The following SLC12A2 variants were observed in gnomAD, a reference collection of about 807,000 sequenced individuals.
The protein encoded by SLC12A2 is Na-K-2Cl cotransporter 1.
SLC12A2 carries 67 observed loss-of-function variants against 136.3 expected under a neutral mutation model. The observed-to-expected ratio is 0.49, with a 90% CI of 0.40 to 0.60. The LOEUF is 0.60. Ranked by LOEUF, SLC12A2 falls within the 20% of genes least tolerant of loss-of-function variation. The pLI, the probability that SLC12A2 is intolerant of heterozygous loss-of-function variation, is 0.00. For synonymous variants in SLC12A2, 619 were observed against 562.9 expected (o/e 1.10, Z -1.41); for missense variants, 1,322 against 1,534.7 (o/e 0.86, Z 2.32).
At chr5:128,126,964 A>ATTTT (rs1433767277) in intron 4 of SLC12A2, among the ~76,000 whole-genome samples, 217 of 21,648 alleles carry the variant, frequency 0.01, 6 homozygotes, top group East Asian at 0.011. Context: ...ATATATATAT[A>ATTTT]TATTTTTTTT....
At chr5:128,131,845 A>G (rs1224680364) in intron 5 of SLC12A2, among the ~76,000 whole-genome samples, 2 of 152,036 alleles carry the variant, frequency 1.3e-5, no homozygotes, top group African/African-American at 4.8e-5. Context: ...GTCTCTACTA[A>G]AAATAAAAAA....
chr5:128,185,731 C>T (rs1160178385), intron 26 of SLC12A2, among the ~76,000 whole-genome samples: 1 of 152,048 alleles, frequency 6.6e-6, no homozygotes, highest in Non-Finnish European at 1.5e-5. Context: ...GTAAACATAC[C>T]TTTCACCTAA....
At chr5:128,110,244 C>T (rs570932325) in intron 1 of SLC12A2, 16 of 806,454 alleles carry the variant, frequency 2.0e-5, no homozygotes, top group Admixed American at 1.2e-4. Context: ...AACATCCATC[C>T]GACCTTTTCC....
intron 4 of SLC12A2, among the ~76,000 whole-genome samples, chr5:128,126,846 A>G (rs1761811385): frequency 6.7e-6 from 1 of 148,416 alleles, no homozygotes; most frequent in African/African-American, 2.5e-5. Flanking sequence ...TGCTGAGCAT[A>G]TTTATCCTAA....
chr5:128,146,928 A>C (rs1042438435), intron 10 of SLC12A2, among the ~76,000 whole-genome samples: 1 of 151,696 alleles, frequency 6.6e-6, no homozygotes, highest in African/African-American at 2.4e-5. Flanking sequence ...AAATGAGAAG[A>C]GGTTAAGCAA....
At chr5:128,140,894 T>A (rs896924958) in intron 9 of SLC12A2, among the ~76,000 whole-genome samples, 1 of 151,474 alleles carries the variant, frequency 6.6e-6, no homozygotes, top group African/African-American at 2.5e-5. Context: ...AACAAAGAAC[T>A]GTATAGTCTG....
At chr5:128,175,088 C>A (rs1398920276) in intron 20 of SLC12A2, among the ~76,000 whole-genome samples, 4 of 152,062 alleles carry the variant, frequency 2.6e-5, no homozygotes, top group Non-Finnish European at 5.9e-5. Context: ...TACTCTCCCA[C>A]CCTCACTCTC....
intron 13 of SLC12A2, among the ~76,000 whole-genome samples, chr5:128,150,836 A>G (rs963917459): frequency 2.6e-5 from 4 of 151,910 alleles, no homozygotes; most frequent in Admixed American, 6.6e-5. Context: ...AATGTTTTAT[A>G]TATTCATTAG....
In SLC12A2 at chr5:128,084,164, A is replaced by C; in HGVS notation, c.210A>C (p.Arg70Ser). 1 of 1,297,504 alleles carries C rather than the reference A, an allele frequency of 7.7e-7. No individual in the cohort carries two copies. The highest frequency in any genetic ancestry group is 9.7e-7 in the Non-Finnish European group (1 of 1,030,388). The allele number at this position is 1,297,504 out of a possible 1,614,324, so 80.4% of individuals were successfully genotyped here. A position where few individuals can be genotyped will look rare whatever the true frequency, so the allele number is the denominator to read the frequency against. Residue 70 changes from arginine (R) to serine (S), a missense_variant, in exon 1 of 27, where the codon AGA (arginine) becomes AGC (serine). Physicochemically the swap from Arg to Ser is moderately radical, Grantham distance 110. This residue lies in a region of SLC12A2 where 358 missense variants were observed against 299.7 expected (regional missense o/e 1.19). Coordinates refer to ENST00000262461, the MANE Select transcript of SLC12A2 (RefSeq NM_001046.3). The surrounding 1 kb of genome is among the most constrained non-coding windows in gnomAD (Gnocchi z 5.6). ...CGGCGGCCGGGGACGGGCTGGGCAG[A>C]CCCTTGGGGCCCACCCCGAGCCAGA... Reference protein sequence around the residue: ...GPAAAGDGLGRPLGPTPSQSR... With the variant: ...GPAAAGDGLGSPLGPTPSQSR...
intron 16 of SLC12A2, 147 bp downstream of exon 16, chr5:128,158,311 A>C: frequency 1.6e-6 from 1 of 620,120 alleles, no homozygotes; most frequent in Non-Finnish European, 2.8e-6. Flanking sequence ...GGTAATAAGC[A>C]TAGTACCCAA....
intron 1 of SLC12A2, among the ~76,000 whole-genome samples, chr5:128,104,493 G>C (rs1027296474): frequency 6.6e-6 from 1 of 151,922 alleles, no homozygotes; most frequent in Admixed American, 6.6e-5. Context: ...TTAGCCGGAC[G>C]TGGTGGCAGG....
At chr5:128,115,938 A>AT (rs1417465767) in intron 4 of SLC12A2, among the ~76,000 whole-genome samples, 7 of 152,204 alleles carry the variant, frequency 4.6e-5, no homozygotes, top group Non-Finnish European at 1.0e-4. Context: ...TATGCTGAGC[A>AT]TTCATCACTG....
intron 1 of SLC12A2, among the ~76,000 whole-genome samples, chr5:128,094,935 A>G (rs976209192): frequency 9.9e-5 from 15 of 152,138 alleles, no homozygotes; most frequent in African/African-American, 3.6e-4. Context: ...TGGACAATTG[A>G]GATACCAAAG....
chr5:128,175,703 A>G (rs1006105357), intron 20 of SLC12A2, among the ~76,000 whole-genome samples: 9 of 151,972 alleles, frequency 5.9e-5, no homozygotes, highest in African/African-American at 2.2e-4. Context: ...CATTATTTTT[A>G]TAGAACAGGA....
intron 1 of SLC12A2, among the ~76,000 whole-genome samples, chr5:128,092,169 T>C (rs1324199703): frequency 6.6e-6 from 1 of 152,196 alleles, no homozygotes; most frequent in Non-Finnish European, 1.5e-5. Context: ...TGTCCATACA[T>C]CCCCATCCAG....
At position 128,083,924 on chromosome 5, in the gene SLC12A2, G is replaced by A. The variant is rs1415575438; in HGVS notation, c.-31G>A. On this transcript the variant is annotated 5_prime_UTR_variant, in exon 1 of 27. Coordinates refer to ENST00000262461, the MANE Select transcript of SLC12A2 (RefSeq NM_001046.3). ...GCGTGCTGCCGGAGACGTCCGCCGG[G>A]CTCTGCAGTTCCGCCGGGGGTCGGG... The A allele has an allele frequency of 1.6e-6, 2 of 1,222,270 alleles. No individual in the cohort carries two copies. The highest frequency in any genetic ancestry group is 4.3e-5 in the Admixed American group (1 of 23,058). The allele number at this position is 1,222,270 out of a possible 1,614,324, so 75.7% of individuals were successfully genotyped here. A position where few individuals can be genotyped will look rare whatever the true frequency, so the allele number is the denominator to read the frequency against.
chr5:128,108,051 CAT>C (rs1480937943), intron 1 of SLC12A2, among the ~76,000 whole-genome samples: 1 of 151,874 alleles, frequency 6.6e-6, no homozygotes, highest in Non-Finnish European at 1.5e-5. Flanking sequence ...AGCATTTTTT[CAT>C]ATGTTTGTTG....
In SLC12A2 at chr5:128,164,188, C is replaced by T. The variant is rs543118398; in HGVS notation, c.2616+2388C>T. The stretch of plus-strand genomic sequence containing the variant: ...GAATGAATCAGATCTGGGGTGAGGG[C>T]CCAGCGTTTGCACTTCCAACAGAGT... On this transcript the variant is annotated intron_variant, in intron 17 of 26. Transcript: ENST00000262461. 3.3e-5 allele frequency among the ~76,000 whole-genome samples: 5 copies of T among 152,160 alleles called. No homozygotes were observed. In the South Asian group the frequency reaches 1.0e-3, roughly 32 times the overall value.
At position 128,099,460 on chromosome 5, in the gene SLC12A2, C is replaced by G. The variant is rs185220774; in HGVS notation, c.757-13354C>G. Among the ~76,000 whole-genome samples the G allele has an allele frequency of 2.0e-3, 302 of 152,240 alleles. 1 individual carries two copies. The highest frequency in any genetic ancestry group is 3.4e-3 in the Non-Finnish European group (232 of 67,988). ...ATTACTGTACACTACTATAGACTTA[C>G]AAACACTGTAAACTTAGGCTACATT... is the stretch of plus-strand genomic sequence containing the variant. On this transcript the variant is annotated intron_variant, in intron 1 of 26. Transcript: ENST00000262461.
Sources: gnomAD v4.1 joint callset for allele counts (sites outside exome capture counted in the v4.1 genomes callset) on GRCh38, gnomAD v4.1.1 for gene constraint, gnomAD v4.1.1 regional missense constraint, Gnocchi (gnomAD v3.1) non-coding constraint, MANE v1.5 for transcripts, NCBI Gene and HGNC (gene_info 2026-07-23, HGNC 2026-07-21) for gene names.